RNF43: variants seen among roughly 807,000 people sequenced by gnomAD.
RNF43 encodes the protein ring finger protein 43.
A neutral mutation model predicts 78.4 loss-of-function variants in RNF43; 37 were observed. The observed-to-expected ratio is 0.47, with a 90% CI of 0.36 to 0.62. RNF43 has a LOEUF of 0.62. RNF43 is among the 20% of genes least tolerant of loss of function. RNF43 has a pLI of 0.00. For synonymous variants in RNF43, 347 were observed against 395.0 expected (o/e 0.88, Z 1.44); for missense variants, 774 against 1,007.9 (o/e 0.77, Z 3.14).
At chr17:58,416,943 T>G (rs1442577941) in intron 1 of RNF43, 74 bp downstream of exon 1, 1 of 152,194 alleles carries the variant, frequency 6.6e-6, no homozygotes, top group African/African-American at 2.4e-5. Context: ...AACATGAACC[T>G]GTTATATGGA....
intron 1 of RNF43, chr17:58,416,245 G>A (rs1437885744): frequency 2.0e-5 from 3 of 152,698 alleles, no homozygotes; most frequent in African/African-American, 7.2e-5. Context: ...GTGTGGCCAG[G>A]TTTCTAGGCC....
intron 9 of RNF43, among the ~76,000 whole-genome samples, chr17:58,356,632 C>T (rs1198927722): frequency 7.2e-5 from 11 of 152,282 alleles, no homozygotes; most frequent in African/African-American, 4.8e-5. Context: ...TAAGGCTCCA[C>T]AGGGCTGCTG....
At chr17:58,368,812 T>A (rs533589885) in intron 3 of RNF43, among the ~76,000 whole-genome samples, 1 of 152,264 alleles carries the variant, frequency 6.6e-6, no homozygotes, top group South Asian at 2.1e-4. Context: ...TGTATTAACA[T>A]GTTGAACTAA....
chr17:58,402,288 T>C (rs1453992337), intron 2 of RNF43, among the ~76,000 whole-genome samples: 1 of 152,248 alleles, frequency 6.6e-6, no homozygotes, highest in Non-Finnish European at 1.5e-5. Context: ...ACCACTACTC[T>C]GTGGTTGTGA....
intron 5 of RNF43, 30 bp from the exon 6 acceptor site, chr17:58,362,678 A>T: frequency 6.4e-7 from 1 of 1,556,510 alleles, no homozygotes; most frequent in Non-Finnish European, 8.8e-7. Flanking sequence ...GGAAAGGGTC[A>T]TACTTCCGGG....
chr17:58,374,805 A>C (rs1044675610), intron 2 of RNF43, among the ~76,000 whole-genome samples: 2 of 152,118 alleles, frequency 1.3e-5, no homozygotes, highest in Admixed American at 6.5e-5. Flanking sequence ...CTTGAGCTCC[A>C]GACCCTTATG....
chr17:58,408,449 T>C (rs938226856), intron 2 of RNF43, among the ~76,000 whole-genome samples: 7 of 152,136 alleles, frequency 4.6e-5, no homozygotes, highest in African/African-American at 1.7e-4. Flanking sequence ...TAAGGTCCTT[T>C]GGATGCACGC....
At chr17:58,394,553 T>A (rs538941222) in intron 2 of RNF43, among the ~76,000 whole-genome samples, 3 of 152,320 alleles carry the variant, frequency 2.0e-5, no homozygotes, top group African/African-American at 7.2e-5. Flanking sequence ...AGTTGAACAA[T>A]CCTCACACAG....
At chr17:58,372,530 C>T (rs746718659) in intron 2 of RNF43, among the ~76,000 whole-genome samples, 42 of 152,210 alleles carry the variant, frequency 2.8e-4, no homozygotes, top group Non-Finnish European at 4.7e-4. Context: ...TCTATCTGTC[C>T]ATGCATCCAT....
chr17:58,361,418 CCTTCAAAATATA>C (rs2143451851), intron 6 of RNF43, among the ~76,000 whole-genome samples: 1 of 152,292 alleles, frequency 6.6e-6, no homozygotes, highest in Non-Finnish European at 1.5e-5. Flanking sequence ...GTTGGCTTTG[CCTTCAAAATATA>C]CCCAGAGCCT....
intron 3 of RNF43, among the ~76,000 whole-genome samples, chr17:58,364,354 C>T (rs1315257550): frequency 6.6e-6 from 1 of 152,172 alleles, no homozygotes; most frequent in Non-Finnish European, 1.5e-5. Context: ...GGTGAGTATG[C>T]ACACGTGCAT....
intron 9 of RNF43, among the ~76,000 whole-genome samples, chr17:58,356,236 G>A (rs1881732936): frequency 6.6e-6 from 1 of 152,146 alleles, no homozygotes; most frequent in East Asian, 1.9e-4. Flanking sequence ...AAAAAAGGAA[G>A]GAAGGAGAAA....
chr17:58,372,567 AG>A (rs1973122285), intron 2 of RNF43, among the ~76,000 whole-genome samples: 1 of 152,222 alleles, frequency 6.6e-6, no homozygotes, highest in African/African-American at 2.4e-5. Flanking sequence ...CCAGCACGGA[AG>A]GCCCCCTTGG....
At chr17:58,403,891 G>A (rs1305643388) in intron 2 of RNF43, among the ~76,000 whole-genome samples, 2 of 152,180 alleles carry the variant, frequency 1.3e-5, no homozygotes, top group African/African-American at 4.8e-5. Context: ...CATCCAGACT[G>A]GTTCTAGGTT....
rs2143378840 is a variant in RNF43, at chr17:58,357,191, G to A, written c.2308+277C>T. ...TTACAGGCATGAGCCATCACACCCG[G>A]CCTTCCAAGTGCCTTTCTGATGCCT... is the stretch of plus-strand genomic sequence containing the variant. On this transcript the variant is annotated intron_variant, in intron 9 of 9. Coordinates refer to ENST00000407977, the MANE Select transcript of RNF43 (RefSeq NM_017763.6). The surrounding 1 kb of genome is among the most constrained non-coding windows in gnomAD (Gnocchi z 4.5). 2.8e-6 allele frequency: 2 copies of A among 702,636 alleles called. No individual in the cohort carries two copies. 43.5% of individuals were successfully genotyped at this position (702,636 alleles called of 1,614,324 possible).
chr17:58,370,124 A>G (rs1973054954), intron 3 of RNF43, among the ~76,000 whole-genome samples: 1 of 133,548 alleles, frequency 7.5e-6, no homozygotes, highest in Admixed American at 8.4e-5. Context: ...GCTGGAGTGC[A>G]GTGGCACGAT....
At chr17:58,400,656 A>C (rs1006029748) in intron 2 of RNF43, among the ~76,000 whole-genome samples, 2 of 152,210 alleles carry the variant, frequency 1.3e-5, no homozygotes, top group African/African-American at 4.8e-5. Context: ...ATTAAAATAC[A>C]AGTCTACTGA....
At position 58,415,601 on chromosome 17, in the gene RNF43, T is replaced by G. The variant is rs374594410; in HGVS notation, c.-24A>C. The G allele has an allele frequency of 5.6e-6, 9 of 1,602,534 alleles. No homozygotes were observed. The African/African-American group carries it at 1.1e-4, about 19-fold the overall frequency. ...ATGCTACCAGCTGCAGCAATGCACTTCAACCATACATACTGCTTCCACTAG... is the reference window on the plus strand; with the variant it reads ...ATGCTACCAGCTGCAGCAATGCACTGCAACCATACATACTGCTTCCACTAG... On this transcript the variant is annotated 5_prime_UTR_variant, in exon 2 of 10. The change abolishes the stop of an existing upstream ORF in the 5' untranslated region. Coordinates refer to ENST00000407977, the MANE Select transcript of RNF43 (RefSeq NM_017763.6).
chr17:58,356,769 C>A (rs934420240), intron 9 of RNF43, among the ~76,000 whole-genome samples: 2 of 152,096 alleles, frequency 1.3e-5, no homozygotes, highest in Admixed American at 6.5e-5. Flanking sequence ...CACTTCTTAG[C>A]CTTCTTTGTA....
Sources: gnomAD v4.1 joint callset for allele counts (sites outside exome capture counted in the v4.1 genomes callset) on GRCh38, gnomAD v4.1.1 for gene constraint, Gnocchi (gnomAD v3.1) non-coding constraint, MANE v1.5 for transcripts, NCBI Gene and HGNC (gene_info 2026-07-23, HGNC 2026-07-21) for gene names.